LRRC7: variants seen among roughly 807,000 people sequenced by gnomAD.
LRRC7 encodes leucine-rich repeat-containing protein 7.
Under a neutral mutation model 175.7 loss-of-function variants are expected in LRRC7, and 23 were observed. The ratio of observed to expected loss-of-function variants is 0.13; its 90% CI spans 0.09 to 0.19. The LOEUF (loss-of-function observed/expected upper bound fraction) is 0.19, where lower values mean the gene tolerates loss of function less well. Among genes scored for constraint, LRRC7 ranks in the 10% least tolerant of loss-of-function variants. The pLI, the probability that LRRC7 is intolerant of heterozygous loss-of-function variation, is 1.00. For synonymous variants in LRRC7, 685 were observed against 680.9 expected (o/e 1.01, Z -0.09); for missense variants, 1,354 against 1,904.7 (o/e 0.71, Z 5.38).
At chr1:69,629,034 G>C (rs918402119) in intron 1 of LRRC7, among the ~76,000 whole-genome samples, 2 of 152,112 alleles carry the variant, frequency 1.3e-5, no homozygotes, top group Non-Finnish European at 2.9e-5. Context: ...TTACATAGGA[G>C]AAAATCTAGA....
chr1:69,633,572 G>A (rs1455468693), intron 1 of LRRC7, among the ~76,000 whole-genome samples: 4 of 151,932 alleles, frequency 2.6e-5, no homozygotes, highest in Admixed American at 6.6e-5. Flanking sequence ...GGTATAACAG[G>A]CATGTGCCAC....
chr1:69,620,505 G>T (rs901062250), intron 1 of LRRC7, among the ~76,000 whole-genome samples: 1 of 152,128 alleles, frequency 6.6e-6, no homozygotes, highest in Non-Finnish European at 1.5e-5. Flanking sequence ...GTCCCAAAAT[G>T]ACACATACCA....
chr1:69,886,454 GT>G (rs1216701957), intron 7 of LRRC7, among the ~76,000 whole-genome samples: 25 of 151,868 alleles, frequency 1.6e-4, no homozygotes, highest in Non-Finnish European at 3.1e-4. Context: ...GCCTTTTTTG[GT>G]TTTCCATTTG....
At chr1:69,634,873 TTGAC>T (rs1168903502) in intron 1 of LRRC7, among the ~76,000 whole-genome samples, 1 of 152,074 alleles carries the variant, frequency 6.6e-6, no homozygotes, top group African/African-American at 2.4e-5. Flanking sequence ...AAAAGAAAAT[TTGAC>T]TGAGCGGAAA....
At chr1:69,899,104 G>T (rs189364537) in intron 7 of LRRC7, among the ~76,000 whole-genome samples, 11 of 152,318 alleles carry the variant, frequency 7.2e-5, no homozygotes, top group Middle Eastern at 3.4e-3. Context: ...AGAAGGAATG[G>T]AAAGGAGTTA....
At position 69,572,000 on chromosome 1, in the gene LRRC7, G is replaced by A. The variant is rs866354023; in HGVS notation, c.2+3359G>A. Among the ~76,000 whole-genome samples, 3 of 152,232 alleles carry A rather than the reference G, an allele frequency of 2.0e-5. No homozygotes were observed. In the Middle Eastern group the frequency reaches 0.01, roughly 518 times the overall value. On this transcript the variant is annotated intron_variant, in intron 1 of 26. Coordinates refer to ENST00000651989, the MANE Select transcript of LRRC7 (RefSeq NM_001370785.2). ...GTATTTTGTTGTCTCTAATAACAGT[G>A]ACTACTTTGCAGAGTATCATCCACA... is the stretch of plus-strand genomic sequence containing the variant.
intron 24 of LRRC7, among the ~76,000 whole-genome samples, chr1:70,086,931 A>G (rs1663657215): frequency 1.3e-5 from 2 of 152,032 alleles, no homozygotes; most frequent in Non-Finnish European, 2.9e-5. Context: ...GGGCCTTAGC[A>G]GGCAGGTGGA....
intron 7 of LRRC7, among the ~76,000 whole-genome samples, chr1:69,891,646 T>C (rs1006328440): frequency 6.6e-6 from 1 of 152,024 alleles, no homozygotes; most frequent in Non-Finnish European, 1.5e-5. Flanking sequence ...GCAGGAGAAT[T>C]GTTTGAACCC....
chr1:69,855,201 C>A (rs972851809), intron 7 of LRRC7, among the ~76,000 whole-genome samples: 1 of 152,104 alleles, frequency 6.6e-6, no homozygotes, highest in African/African-American at 2.4e-5. Flanking sequence ...AAATCTAGTT[C>A]TTTTAATGGT....
intron 7 of LRRC7, among the ~76,000 whole-genome samples, chr1:69,839,839 T>C (rs1308405270): frequency 2.0e-5 from 3 of 152,028 alleles, no homozygotes; most frequent in Non-Finnish European, 4.4e-5. Flanking sequence ...CTGATATAGA[T>C]TGATAATATG....
intron 10 of LRRC7, among the ~76,000 whole-genome samples, chr1:69,993,668 A>G (rs901263027): frequency 6.6e-5 from 10 of 152,170 alleles, no homozygotes; most frequent in African/African-American, 2.4e-4. Flanking sequence ...CAAAACATAT[A>G]TGATCATGAA....
intron 2 of LRRC7, among the ~76,000 whole-genome samples, chr1:69,712,656 G>A (rs1664902072): frequency 6.6e-6 from 1 of 151,984 alleles, no homozygotes; most frequent in Admixed American, 6.6e-5. Context: ...CTAGTATTCT[G>A]GTCTCTATTA....
chr1:69,749,716 T>C (rs566951452), intron 2 of LRRC7, among the ~76,000 whole-genome samples: 12 of 152,248 alleles, frequency 7.9e-5, no homozygotes, highest in South Asian at 4.1e-4. Context: ...ATGAAAGATA[T>C]TCAGTTTTGG....
chr1:69,745,274 A>G (rs1669134130), intron 2 of LRRC7, among the ~76,000 whole-genome samples: 1 of 152,012 alleles, frequency 6.6e-6, no homozygotes, highest in African/African-American at 2.4e-5. Flanking sequence ...ATAAAGATAC[A>G]GACTTAAAAC....
intron 22 of LRRC7, among the ~76,000 whole-genome samples, chr1:70,048,245 A>G (rs1261161093): frequency 6.6e-6 from 1 of 152,134 alleles, no homozygotes; most frequent in Non-Finnish European, 1.5e-5. Context: ...AAAGACAAGG[A>G]TTTATTGAGA....
At chr1:69,766,682 T>C (rs1359250265) in intron 3 of LRRC7, among the ~76,000 whole-genome samples, 3 of 152,184 alleles carry the variant, frequency 2.0e-5, no homozygotes, top group African/African-American at 7.2e-5. Flanking sequence ...GGCTTCTGGA[T>C]TGAAAAATCC....
intron 2 of LRRC7, among the ~76,000 whole-genome samples, chr1:69,717,786 GAAAGAAAGAAAGAAAGA>G (rs1557640502): frequency 2.1e-4 from 4 of 19,316 alleles, no homozygotes; most frequent in African/African-American, 5.8e-4. Flanking sequence ...AAGAAAGAAA[GAAAGAAAGAAAGAAAGA>G]AAGAAAGAAA....
At chr1:69,871,941 T>C (rs773262608) in intron 7 of LRRC7, among the ~76,000 whole-genome samples, 2 of 152,032 alleles carry the variant, frequency 1.3e-5, no homozygotes, top group Non-Finnish European at 2.9e-5. Context: ...ATTATATGGA[T>C]TTTAGAACTA....
chr1:69,718,734 A>G (rs181681156), intron 2 of LRRC7, among the ~76,000 whole-genome samples: 6 of 151,984 alleles, frequency 3.9e-5, no homozygotes, highest in Non-Finnish European at 4.4e-5. Flanking sequence ...TAGAAATAAG[A>G]GAAAAACTGA....
Sources: allele counts gnomAD v4.1 joint callset (sites outside exome capture counted in the v4.1 genomes callset), GRCh38; gene constraint gnomAD v4.1.1; transcripts MANE v1.5; gene names NCBI Gene and HGNC (gene_info 2026-07-23, HGNC 2026-07-21).